The following SORCS3 variants were observed in gnomAD, a reference collection of about 807,000 sequenced individuals.
SORCS3 encodes sortilin related VPS10 domain containing receptor 3.
In SORCS3, 57 loss-of-function variants were observed where a neutral mutation model predicts 146.3. The observed-to-expected ratio is 0.39, with a 90% CI of 0.31 to 0.49. The LOEUF is 0.49. Among genes scored for constraint, SORCS3 ranks in the 20% least tolerant of loss-of-function variants. The probability of loss-of-function intolerance (pLI) is 0.92; values close to 1 mark genes in which losing one functional copy is unlikely to be tolerated. For synonymous variants in SORCS3, 653 were observed against 618.5 expected (o/e 1.06, Z -0.83); for missense variants, 1,341 against 1,575.5 (o/e 0.85, Z 2.52).
At chr10:105,031,332 A>AACACACAC (rs371026666) in intron 4 of SORCS3, among the ~76,000 whole-genome samples, 2 of 113,466 alleles carry the variant, frequency 1.8e-5, no homozygotes, top group Admixed American at 1.8e-4. Context: ...CACACACACA[A>AACACACAC]ACACACACAC....
chr10:104,870,279 T>C (rs1425867612), intron 2 of SORCS3, among the ~76,000 whole-genome samples: 5 of 152,210 alleles, frequency 3.3e-5, no homozygotes, highest in African/African-American at 1.2e-4. Flanking sequence ...TCTTAATCTT[T>C]AGGAAAGAGA....
chr10:105,242,137 A>G (rs1018064583), intron 20 of SORCS3, among the ~76,000 whole-genome samples: 1 of 151,362 alleles, frequency 6.6e-6, no homozygotes, highest in Non-Finnish European at 1.5e-5. Flanking sequence ...AATTTCTTAT[A>G]AAACTAAACA....
At position 105,009,180 on chromosome 10, in the gene SORCS3, G is replaced by T. The variant is rs1035437270; in HGVS notation, c.954+31687G>T. ...TCCAAGTTGAAGAATTTAAAACAGG[G>T]CATAGAGAAGTCAGTGATTTAAGAC... On this transcript the variant is annotated intron_variant, in intron 4 of 26. Coordinates refer to ENST00000369701, the MANE Select transcript of SORCS3 (RefSeq NM_014978.3). Among the ~76,000 whole-genome samples, 33 of 152,188 alleles carry T rather than the reference G, an allele frequency of 2.2e-4. 1 individual carries two copies. The highest frequency in any genetic ancestry group is 3.4e-3 in the Middle Eastern group (1 of 294).
intron 1 of SORCS3, among the ~76,000 whole-genome samples, chr10:104,733,929 G>A (rs1017824350): frequency 1.3e-5 from 2 of 152,160 alleles, no homozygotes; most frequent in African/African-American, 4.8e-5. Context: ...GCCTTTAGAT[G>A]CATGATGGTG....
At chr10:104,838,833 C>T (rs543809190) in intron 1 of SORCS3, among the ~76,000 whole-genome samples, 1 of 152,008 alleles carries the variant, frequency 6.6e-6, no homozygotes, top group Non-Finnish European at 1.5e-5. Context: ...CAGGGTCCAT[C>T]GAGTCAGACT....
intron 7 of SORCS3, among the ~76,000 whole-genome samples, chr10:105,139,093 A>C (rs192311897): frequency 5.9e-5 from 9 of 152,360 alleles, no homozygotes; most frequent in Admixed American, 3.9e-4. Context: ...CTCTGTTTTT[A>C]GTTGAAAATA....
At chr10:105,039,542 C>T (rs928837879) in intron 4 of SORCS3, among the ~76,000 whole-genome samples, 15 of 150,180 alleles carry the variant, frequency 1.0e-4, no homozygotes, top group East Asian at 2.0e-4. Flanking sequence ...CTGCAGCCTC[C>T]GCCTCCCAGG....
At chr10:105,233,634 C>T (rs1237221505) in intron 20 of SORCS3, among the ~76,000 whole-genome samples, 1 of 152,076 alleles carries the variant, frequency 6.6e-6, no homozygotes, top group East Asian at 1.9e-4. Context: ...TGTTCAACTC[C>T]CACTTATGAG....
chr10:104,847,947 T>C (rs960924817), intron 2 of SORCS3, among the ~76,000 whole-genome samples: 1 of 152,058 alleles, frequency 6.6e-6, no homozygotes, highest in African/African-American at 2.4e-5. Context: ...AGACCTTTCA[T>C]GACCCTCCTT....
At chr10:104,696,404 A>AAT in intron 1 of SORCS3, among the ~76,000 whole-genome samples, 1 of 35,334 alleles carries the variant, frequency 2.8e-5, no homozygotes, top group Non-Finnish European at 6.5e-5. Flanking sequence ...TATAATATAT[A>AAT]ATATAGAATA....
At chr10:104,713,972 G>A (rs1379374139) in intron 1 of SORCS3, among the ~76,000 whole-genome samples, 1 of 152,122 alleles carries the variant, frequency 6.6e-6, no homozygotes, top group Non-Finnish European at 1.5e-5. Context: ...CTCCTTGTGT[G>A]AGTTATGCTA....
intron 13 of SORCS3, 62 bp from the exon 14 acceptor site, chr10:105,178,004 G>A (rs1044515505): frequency 7.2e-6 from 9 of 1,253,812 alleles, no homozygotes; most frequent in African/African-American, 3.0e-5. Flanking sequence ...CCTGAAAAAC[G>A]GTTACAGAAG....
At chr10:104,766,763 G>A (rs1306443283) in intron 1 of SORCS3, among the ~76,000 whole-genome samples, 4 of 152,242 alleles carry the variant, frequency 2.6e-5, no homozygotes, top group African/African-American at 9.6e-5. Flanking sequence ...CCAAGAAGAT[G>A]TGGGGCCACG....
chr10:105,045,780 C>A (rs1048358077), intron 5 of SORCS3, among the ~76,000 whole-genome samples: 1 of 152,092 alleles, frequency 6.6e-6, no homozygotes, highest in African/African-American at 2.4e-5. Context: ...TTGAAAGGAG[C>A]AGATGTATCA....
rs1226455197 is a variant in SORCS3 at position 105,004,000 on chromosome 10, C to CTTTTTTTTTTTTTTTTT, written c.954+26521_954+26522insTTTTTTTTTTTTTTTTT. Among the ~76,000 whole-genome samples, 339 of 140,188 alleles carry CTTTTTTTTTTTTTTTTT rather than the reference C, an allele frequency of 2.4e-3. 3 individuals carry two copies. Among genetic ancestry groups the CTTTTTTTTTTTTTTTTT allele is most frequent in the African/African-American group, 8.4e-3 (314 of 37,242 alleles). 92.0% of individuals were successfully genotyped at this position (140,188 alleles called of 152,430 possible). A position where few individuals can be genotyped will look rare whatever the true frequency, so the allele number is the denominator to read the frequency against. On this transcript the variant is annotated intron_variant, in intron 4 of 26. Coordinates refer to ENST00000369701, the MANE Select transcript of SORCS3 (RefSeq NM_014978.3). ...CCCCTCCTTTTTTTCTCTTCTCTCT[C>CTTTTTTTTTTTTTTTTT]TTTTTTTTTTTTTTACCAGAGAAGA...
chr10:105,074,015 C>T (rs778010887), intron 5 of SORCS3, among the ~76,000 whole-genome samples: 8 of 152,214 alleles, frequency 5.3e-5, no homozygotes, highest in Non-Finnish European at 1.2e-4. Context: ...GGGAAAATCA[C>T]TTAAACTGTC....
At chr10:105,033,936 T>A (rs2055287604) in intron 4 of SORCS3, among the ~76,000 whole-genome samples, 1 of 152,244 alleles carries the variant, frequency 6.6e-6, no homozygotes, top group East Asian at 1.9e-4. Context: ...AGAATAGACC[T>A]TTAAAAGATC....
chr10:104,856,977 C>T lies in SORCS3; in HGVS notation c.695+14118C>T, dbSNP rs1008874822. Among the ~76,000 whole-genome samples the T allele has an allele frequency of 6.7e-5, 10 of 148,818 alleles. No homozygotes were observed. The Admixed American group carries it at 6.8e-4, about 10-fold the overall frequency. On this transcript the variant is annotated intron_variant, in intron 2 of 26. Transcript: ENST00000369701. ...TAATAACAGAATTTTAAAACAAAGG[C>T]GTGTGAGAGAGAGAGAGAGATTAAT...
At chr10:104,946,466 G>A (rs1333482384) in intron 3 of SORCS3, among the ~76,000 whole-genome samples, 2 of 152,156 alleles carry the variant, frequency 1.3e-5, no homozygotes, top group African/African-American at 4.8e-5. Context: ...CCTGCTATCA[G>A]CAGAAGACAA....
Sources: gnomAD v4.1 joint callset for allele counts (sites outside exome capture counted in the v4.1 genomes callset) on GRCh38, gnomAD v4.1.1 for gene constraint, MANE v1.5 for transcripts, NCBI Gene and HGNC (gene_info 2026-07-23, HGNC 2026-07-21) for gene names.